PDE11A: variants seen among roughly 807,000 people sequenced by gnomAD.
PDE11A encodes the protein phosphodiesterase 11A.
Under a neutral mutation model 100.5 loss-of-function variants are expected in PDE11A, and 100 were observed. The ratio of observed to expected loss-of-function variants is 1.00; its 90% CI spans 0.85 to 1.18. The LOEUF (loss-of-function observed/expected upper bound fraction) is 1.18. PDE11A is among the 50% of genes most tolerant of loss of function. PDE11A has a pLI of 0.00. For missense variants in PDE11A, 1,141 were observed against 1,152.6 expected (o/e 0.99, Z 0.15); for synonymous variants, 381 against 420.8 (o/e 0.91, Z 1.16).
At chr2:177,893,539 C>G (rs2084564590) in intron 4 of PDE11A, among the ~76,000 whole-genome samples, 1 of 152,218 alleles carries the variant, frequency 6.6e-6, no homozygotes, top group South Asian at 2.1e-4. Context: ...CACATGCTTA[C>G]TGTCAAGTTG....
chr2:178,102,695 A>AT (rs1299156601), intron 2 of PDE11A, among the ~76,000 whole-genome samples: 2 of 152,134 alleles, frequency 1.3e-5, no homozygotes, highest in African/African-American at 2.4e-5. Flanking sequence ...AAGTGTTGGG[A>AT]TTACATGTGT....
At chr2:178,084,090 A>G (rs1356032103) in intron 2 of PDE11A, among the ~76,000 whole-genome samples, 2 of 152,206 alleles carry the variant, frequency 1.3e-5, no homozygotes, top group African/African-American at 4.8e-5. Flanking sequence ...TCCATCAGAA[A>G]TTTGCTTTCT....
chr2:178,065,203 C>T (rs1015443175), intron 1 of PDE11A, among the ~76,000 whole-genome samples: 3 of 152,022 alleles, frequency 2.0e-5, no homozygotes, highest in African/African-American at 7.2e-5. Flanking sequence ...AAAATACTAC[C>T]CTTAAAATAA....
intron 5 of PDE11A, among the ~76,000 whole-genome samples, chr2:177,865,287 C>G (rs1462530534): frequency 2.6e-5 from 4 of 151,832 alleles, no homozygotes; most frequent in Admixed American, 2.6e-4. Context: ...CCTGCATCCC[C>G]CAAAAAAACA....
chr2:177,971,495 C>T (rs534017962), intron 2 of PDE11A, among the ~76,000 whole-genome samples: 1 of 152,294 alleles, frequency 6.6e-6, no homozygotes, highest in African/African-American at 2.4e-5. Context: ...TTCACAAAGT[C>T]ATGGATGTCA....
At chr2:178,026,293 A>G (rs2086476901) in intron 1 of PDE11A, among the ~76,000 whole-genome samples, 1 of 152,106 alleles carries the variant, frequency 6.6e-6, no homozygotes, top group Non-Finnish European at 1.5e-5. Flanking sequence ...TTATATTTTA[A>G]TTACATAATT....
chr2:177,736,659 G>C (rs2886498), intron 10 of PDE11A, among the ~76,000 whole-genome samples: 104,481 of 152,050 alleles, frequency 0.69, 38,226 homozygotes, highest in East Asian at 0.86. Flanking sequence ...GAAAGTGGAT[G>C]CACCTAGCAA....
chr2:177,831,411 G>A (rs1391092526), intron 6 of PDE11A, among the ~76,000 whole-genome samples: 2 of 152,188 alleles, frequency 1.3e-5, no homozygotes, highest in African/African-American at 4.8e-5. Context: ...TATCAAGATA[G>A]GAAAGACACA....
intron 5 of PDE11A, among the ~76,000 whole-genome samples, chr2:177,859,659 A>AAT (rs1347122364): frequency 2.0e-5 from 3 of 151,792 alleles, no homozygotes; most frequent in Admixed American, 6.6e-5. Context: ...CTAATGGCAG[A>AAT]ATATATATAT....
chr2:177,704,766 G>A (rs144005516), intron 13 of PDE11A, among the ~76,000 whole-genome samples: 96 of 152,240 alleles, frequency 6.3e-4, no homozygotes, highest in Non-Finnish European at 1.1e-3. Flanking sequence ...TTCCAGAGGC[G>A]GCAATATGTG....
At chr2:178,015,808 A>T (rs1181299338) in intron 1 of PDE11A, among the ~76,000 whole-genome samples, 2 of 152,122 alleles carry the variant, frequency 1.3e-5, no homozygotes, top group Non-Finnish European at 2.9e-5. Context: ...AAAAAGAAAA[A>T]GATTGGCTCC....
chr2:177,997,331 C>G (rs1480571405), intron 2 of PDE11A: 1 of 895,444 alleles, frequency 1.1e-6, no homozygotes, highest in Non-Finnish European at 1.9e-6. Context: ...ATAAATCTGC[C>G]TGGCATCTCT....
intron 9 of PDE11A, among the ~76,000 whole-genome samples, chr2:177,778,606 G>A (rs141774482): frequency 5.3e-5 from 8 of 152,282 alleles, no homozygotes; most frequent in African/African-American, 1.9e-4. Flanking sequence ...AAGAAATAAA[G>A]AAGCTTTGCT....
chr2:177,737,454 A>C (rs569483336), intron 10 of PDE11A, among the ~76,000 whole-genome samples: 1 of 57,642 alleles, frequency 1.7e-5, no homozygotes, highest in Non-Finnish European at 5.0e-5. Flanking sequence ...CACACAAATT[A>C]GCCAGGCGTG....
intron 1 of PDE11A, among the ~76,000 whole-genome samples, chr2:178,052,022 A>G (rs2086835041): frequency 6.6e-6 from 1 of 152,078 alleles, no homozygotes; most frequent in Admixed American, 6.6e-5. Context: ...CCTAATAGAC[A>G]TCTACAGAAC....
chr2:177,899,017 T>G (rs1011187892), intron 3 of PDE11A, among the ~76,000 whole-genome samples: 2 of 152,224 alleles, frequency 1.3e-5, no homozygotes, highest in Non-Finnish European at 2.9e-5. Context: ...AGATTCTGAT[T>G]ATTAATATTT....
intron 2 of PDE11A, among the ~76,000 whole-genome samples, chr2:177,982,474 T>A (rs1378848074): frequency 1.3e-5 from 2 of 150,606 alleles, no homozygotes; most frequent in Non-Finnish European, 1.5e-5. Flanking sequence ...AAAATAGGAC[T>A]CTCTGGGGAC....
At chr2:177,743,269 T>C (rs1217160880) in intron 10 of PDE11A, among the ~76,000 whole-genome samples, 3 of 152,234 alleles carry the variant, frequency 2.0e-5, no homozygotes, top group African/African-American at 7.2e-5. Flanking sequence ...GGATCACTAA[T>C]TGTTAGCACC....
chr2:178,044,258 A>G (rs2086716776), intron 1 of PDE11A, among the ~76,000 whole-genome samples: 1 of 148,696 alleles, frequency 6.7e-6, no homozygotes, highest in Non-Finnish European at 1.5e-5. Context: ...TATTTTTTCC[A>G]GTAATAGGCC....
Sources: gnomAD v4.1 joint callset for allele counts (sites outside exome capture counted in the v4.1 genomes callset) on GRCh38, gnomAD v4.1.1 for gene constraint, MANE v1.5 for transcripts, NCBI Gene and HGNC (gene_info 2026-07-23, HGNC 2026-07-21) for gene names.